Variants in ZNF704 observed in about 807,000 individuals in gnomAD.
ZNF704 encodes the protein glucocorticoid induced gene 1.
ZNF704 carries 10 observed loss-of-function variants against 44.7 expected under a neutral mutation model. That is an observed-to-expected ratio of 0.22 (90% CI 0.14 to 0.38). The LOEUF (loss-of-function observed/expected upper bound fraction) is 0.38. Among genes scored for constraint, ZNF704 ranks in the 10% least tolerant of loss-of-function variants. The pLI is 1.00. For synonymous variants in ZNF704, 211 were observed against 207.6 expected, an observed-to-expected ratio of 1.02 and a Z score of -0.14; for missense variants, 390 against 545.5, an observed-to-expected ratio of 0.71 and a Z score of 2.84.
chr8:80,677,173 T>C (rs1048225265), intron 4 of ZNF704, among the ~76,000 whole-genome samples: 7 of 152,226 alleles, frequency 4.6e-5, no homozygotes, highest in African/African-American at 1.4e-4. Flanking sequence ...TTGTACGACA[T>C]ATAAAGCCAA....
chr8:80,661,752 G>A (rs187678155), intron 6 of ZNF704, among the ~76,000 whole-genome samples: 12 of 152,268 alleles, frequency 7.9e-5, no homozygotes, highest in Admixed American at 7.8e-4. Flanking sequence ...ATGTCATGGA[G>A]GTAGAGAATA....
upstream of ZNF704, among the ~76,000 whole-genome samples, chr8:80,877,379 C>T (rs918860591): frequency 6.6e-6 from 1 of 152,064 alleles, no homozygotes; most frequent in African/African-American, 2.4e-5. Flanking sequence ...TCAGAGGACA[C>T]TTAGTGGGAA....
intron 2 of ZNF704, among the ~76,000 whole-genome samples, chr8:80,805,451 T>A (rs1447737169): frequency 6.6e-6 from 1 of 152,202 alleles, no homozygotes; most frequent in Admixed American, 6.5e-5. Context: ...GACCCAGCCT[T>A]GAGCTAACAT....
chr8:80,870,983 G>T (rs1376512362), intron 1 of ZNF704, among the ~76,000 whole-genome samples: 1 of 152,022 alleles, frequency 6.6e-6, no homozygotes, highest in African/African-American at 2.4e-5. Flanking sequence ...TTACATCATG[G>T]TCTCATCCTG....
chr8:80,811,538 C>T (rs375262312), intron 2 of ZNF704, among the ~76,000 whole-genome samples: 2 of 152,094 alleles, frequency 1.3e-5, no homozygotes, highest in African/African-American at 4.8e-5. Flanking sequence ...CCAAAAAGAA[C>T]CTGCTTTAAA....
chr8:80,841,315 C>G (rs192861126), intron 1 of ZNF704, among the ~76,000 whole-genome samples: 1 of 152,208 alleles, frequency 6.6e-6, no homozygotes, highest in Admixed American at 6.5e-5. Flanking sequence ...TAGGCCACAG[C>G]AGCACAGGAA....
chr8:80,781,674 A>C (rs1265533210), intron 2 of ZNF704, among the ~76,000 whole-genome samples: 1 of 152,194 alleles, frequency 6.6e-6, no homozygotes, highest in Admixed American at 6.5e-5. Context: ...AATCCCCAGC[A>C]AGTTGGCAGT....
chr8:80,825,317 A>G (rs1286086039), intron 1 of ZNF704, among the ~76,000 whole-genome samples: 1 of 152,312 alleles, frequency 6.6e-6, no homozygotes, highest in East Asian at 1.9e-4. Flanking sequence ...CAAAGAACAA[A>G]AGAGACAAGG....
intron 2 of ZNF704, among the ~76,000 whole-genome samples, chr8:80,730,410 G>A (rs752668990): frequency 7.9e-5 from 12 of 151,858 alleles, no homozygotes; most frequent in African/African-American, 2.4e-4. Context: ...ATGGTGGTGC[G>A]TGCCTGTAGT....
In ZNF704 at chr8:80,730,538, T is replaced by TAA. The variant is rs148942015; in HGVS notation, c.222-37433_222-37432dup. 1.4e-3 allele frequency among the ~76,000 whole-genome samples: 89 copies of TAA among 63,956 alleles called. 2 individuals are homozygous for TAA. Among genetic ancestry groups the TAA allele is most frequent in the Admixed American group, 4.6e-3 (18 of 3,942 alleles). 42.0% of individuals were successfully genotyped at this position (63,956 alleles called of 152,430 possible). On this transcript the variant is annotated intron_variant, in intron 2 of 8. Coordinates refer to ENST00000327835, the MANE Select transcript of ZNF704 (RefSeq NM_001033723.3). The stretch of plus-strand genomic sequence containing the variant: ...TGGGTGACAGAGCAAGACTACATCT[T>TAA]AAAAAAAAAAAAAAAAAAAAAAAAA...
At chr8:80,843,437 T>C (rs1808714110) in intron 1 of ZNF704, among the ~76,000 whole-genome samples, 1 of 152,228 alleles carries the variant, frequency 6.6e-6, no homozygotes, top group South Asian at 2.1e-4. Flanking sequence ...AAGTCTCTTG[T>C]TCATGTGTTA....
At chr8:80,856,018 C>G (rs934601340) in intron 1 of ZNF704, among the ~76,000 whole-genome samples, 1 of 152,152 alleles carries the variant, frequency 6.6e-6, no homozygotes, top group African/African-American at 2.4e-5. Flanking sequence ...AGTGCAGTTG[C>G]GTGATCATAG....
chr8:80,820,527 C>CT (rs1380986627), intron 2 of ZNF704, among the ~76,000 whole-genome samples: 3 of 151,096 alleles, frequency 2.0e-5, no homozygotes, highest in Non-Finnish European at 3.0e-5. Flanking sequence ...CAACTTTTTT[C>CT]TTTTTTTTTC....
chr8:80,726,860 C>T (rs559529701), intron 2 of ZNF704, among the ~76,000 whole-genome samples: 1 of 148,362 alleles, frequency 6.7e-6, no homozygotes, highest in Non-Finnish European at 1.5e-5. Flanking sequence ...CACACACAGA[C>T]ACACACAGTT....
intron 1 of ZNF704, among the ~76,000 whole-genome samples, chr8:80,830,989 C>G (rs753152266): frequency 6.6e-6 from 1 of 151,772 alleles, no homozygotes; most frequent in Non-Finnish European, 1.5e-5. Flanking sequence ...CTCCTGACCT[C>G]GTGATCTGCC....
chr8:80,718,185 C>T (rs1382676670), intron 2 of ZNF704, among the ~76,000 whole-genome samples: 4 of 151,926 alleles, frequency 2.6e-5, no homozygotes, highest in Non-Finnish European at 4.4e-5. Context: ...CTAGAATGTC[C>T]AAACCCCCAG....
At chr8:80,805,870 G>A (rs1807981438) in intron 2 of ZNF704, among the ~76,000 whole-genome samples, 1 of 152,132 alleles carries the variant, frequency 6.6e-6, no homozygotes, top group Admixed American at 6.5e-5. Flanking sequence ...AGACAGCAAT[G>A]CACCACACTG....
intron 1 of ZNF704, among the ~76,000 whole-genome samples, chr8:80,862,272 G>C (rs1421989249): frequency 6.6e-6 from 1 of 151,614 alleles, no homozygotes; most frequent in Non-Finnish European, 1.5e-5. Flanking sequence ...ATAAAGCTAG[G>C]CATAGTTTAC....
At chr8:80,870,424 C>G (rs1009574521) in intron 1 of ZNF704, among the ~76,000 whole-genome samples, 2 of 152,168 alleles carry the variant, frequency 1.3e-5, no homozygotes, top group African/African-American at 2.4e-5. Flanking sequence ...GCTGCTCAGC[C>G]TACTCCAAGC....
Sources: allele counts gnomAD v4.1 joint callset (sites outside exome capture counted in the v4.1 genomes callset), GRCh38; gene constraint gnomAD v4.1.1; transcripts MANE v1.5; gene names NCBI Gene and HGNC (gene_info 2026-07-23, HGNC 2026-07-21).